SLC44A5: variants seen among roughly 807,000 people sequenced by gnomAD.
SLC44A5 encodes the protein solute carrier family 44 member 5, also known as choline transporter-like protein 5.
A neutral mutation model predicts 101.8 loss-of-function variants in SLC44A5; 57 were observed. The ratio of observed to expected loss-of-function variants is 0.56; its 90% confidence interval spans 0.45 to 0.70. The LOEUF is 0.70. Ranked by LOEUF, SLC44A5 falls within the 30% of genes least tolerant of loss-of-function variation. SLC44A5 has a pLI of 0.00. For synonymous variants in SLC44A5, 281 were observed against 290.9 expected, an observed-to-expected ratio of 0.97 and a Z score of 0.35; for missense variants, 737 against 853.1, an observed-to-expected ratio of 0.86 and a Z score of 1.70.
At chr1:75,495,580 T>C (rs913231862) in intron 2 of SLC44A5, among the ~76,000 whole-genome samples, 2 of 151,072 alleles carry the variant, frequency 1.3e-5, no homozygotes, top group African/African-American at 4.9e-5. Context: ...ATCATAGAGC[T>C]GAATAATACA....
At chr1:75,256,140 A>G (rs1650002819) in intron 6 of SLC44A5, among the ~76,000 whole-genome samples, 1 of 152,166 alleles carries the variant, frequency 6.6e-6, no homozygotes, top group Admixed American at 6.5e-5. Flanking sequence ...TTAACTGGGC[A>G]TTCTGTGCTT....
chr1:75,628,999 C>A, the SLC44A5 span, among the ~76,000 whole-genome samples: 4 of 152,074 alleles, frequency 2.6e-5, no homozygotes, highest in Non-Finnish European at 5.9e-5. Flanking sequence ...TTGGCATCTT[C>A]CAGCTGGGTG....
chr1:75,663,874 A>T, the SLC44A5 span, among the ~76,000 whole-genome samples: 57 of 152,330 alleles, frequency 3.7e-4, no homozygotes, highest in African/African-American at 1.3e-3. Context: ...ACTACTGGCC[A>T]ATATCCCTGA....
In SLC44A5 at chr1:75,219,270, G is replaced by A; in HGVS notation, c.1253C>T (p.Thr418Ile). Reference sequence around the variant, plus strand: ...TCTTGTACTTACCTCTGGGTCACAGGTTTGATTTTCATGTATACAATGCCC... The same window carrying A: ...TCTTGTACTTACCTCTGGGTCACAGATTTGATTTTCATGTATACAATGCCC... Reference protein sequence around the residue: ...PGGHCIHENQTCDPEIFNTTE... With the variant: ...PGGHCIHENQICDPEIFNTTE... Residue 418 changes from threonine (T) to isoleucine (I), a missense_variant, in exon 16 of 24, where the codon ACC becomes ATC. Thr to Ile is a moderately conservative substitution (Grantham distance 89). This residue lies in a region of SLC44A5 where 665 missense variants were observed against 764.4 expected (regional missense o/e 0.87). Transcript: ENST00000370859. The A allele has an allele frequency of 6.2e-7, 1 of 1,610,680 alleles. No homozygotes were observed. The highest frequency in any genetic ancestry group is 1.1e-5 in the South Asian group (1 of 91,006).
chr1:75,402,672 T>C (rs958145017), intron 2 of SLC44A5, among the ~76,000 whole-genome samples: 5 of 152,050 alleles, frequency 3.3e-5, no homozygotes, highest in African/African-American at 1.2e-4. Context: ...ACTACACTTT[T>C]CCCATGGTCT....
At chr1:75,504,428 T>C (rs1669136247) in intron 2 of SLC44A5, among the ~76,000 whole-genome samples, 1 of 152,236 alleles carries the variant, frequency 6.6e-6, no homozygotes, top group African/African-American at 2.4e-5. Context: ...TGCTATCATA[T>C]AATGATGTGT....
At chr1:75,647,974 G>A in the SLC44A5 span, among the ~76,000 whole-genome samples, 1 of 152,112 alleles carries the variant, frequency 6.6e-6, no homozygotes, top group African/African-American at 2.4e-5. Context: ...ATTTTGTTTT[G>A]AAACGTGAGA....
chr1:75,402,598 C>T, intron 2 of SLC44A5: 1 of 160,632 alleles, frequency 6.2e-6, no homozygotes, highest in Non-Finnish European at 1.4e-5. Flanking sequence ...AGGGAACTCC[C>T]TCCCCTAGCT....
chr1:75,336,256 A>G (rs1657434610), intron 4 of SLC44A5, among the ~76,000 whole-genome samples: 1 of 152,006 alleles, frequency 6.6e-6, no homozygotes, highest in Admixed American at 6.6e-5. Flanking sequence ...CCTGGGTTCA[A>G]GCGATTCTCC....
chr1:75,683,592 T>G, the SLC44A5 span, among the ~76,000 whole-genome samples: 3 of 151,950 alleles, frequency 2.0e-5, no homozygotes, highest in African/African-American at 7.3e-5. Flanking sequence ...AACATCACTC[T>G]CTGGGGACTG....
intron 1 of SLC44A5, among the ~76,000 whole-genome samples, chr1:75,574,974 C>A (rs1392007643): frequency 6.6e-6 from 1 of 151,966 alleles, no homozygotes; most frequent in Non-Finnish European, 1.5e-5. Context: ...ATGAGAGAAG[C>A]CTTAGGATGA....
chr1:75,721,009 T>C, the SLC44A5 span, among the ~76,000 whole-genome samples: 1 of 152,166 alleles, frequency 6.6e-6, no homozygotes, highest in Non-Finnish European at 1.5e-5. Context: ...AAAGTTCTTA[T>C]TGTGCAAAGG....
At position 75,510,363 on chromosome 1, in the gene SLC44A5, A is replaced by G. The variant is rs141077069; in HGVS notation, c.13+31072T>C. ...AAAAATACTGTATTTCTCAAATTTG[A>G]TAAGATAAATTTCCAACTAGATTTA... On this transcript the variant is annotated intron_variant, in intron 2 of 23. Transcript: ENST00000370859. 2.9e-4 allele frequency among the ~76,000 whole-genome samples: 44 copies of G among 152,336 alleles called. 1 individual carries two copies. In the East Asian group the frequency reaches 8.5e-3, roughly 29 times the overall value.
intron 3 of SLC44A5, among the ~76,000 whole-genome samples, chr1:75,343,064 C>T (rs950659979): frequency 6.6e-6 from 1 of 152,084 alleles, no homozygotes; most frequent in Non-Finnish European, 1.5e-5. Flanking sequence ...AATAAATAGA[C>T]TGAAGGGCCA....
At chr1:75,270,682 G>A (rs681866) in intron 6 of SLC44A5, among the ~76,000 whole-genome samples, 104,633 of 151,884 alleles carry the variant, frequency 0.69, 36,723 homozygotes, top group East Asian at 0.94. Context: ...ATATATACAT[G>A]ATTTTCAGTG....
intron 2 of SLC44A5, chr1:75,402,260 C>T (rs928111592): frequency 2.2e-5 from 4 of 183,362 alleles, no homozygotes; most frequent in African/African-American, 9.4e-5. Flanking sequence ...CCAGTACTGC[C>T]TCTCACTCAC....
chr1:75,422,943 G>A (rs961807932), intron 2 of SLC44A5, among the ~76,000 whole-genome samples: 1 of 152,122 alleles, frequency 6.6e-6, no homozygotes, highest in African/African-American at 2.4e-5. Context: ...TCTTCCTGTT[G>A]TCTTTATGTG....
chr1:75,672,582 T>A, the SLC44A5 span, among the ~76,000 whole-genome samples: 1 of 152,140 alleles, frequency 6.6e-6, no homozygotes, highest in Non-Finnish European at 1.5e-5. Flanking sequence ...GGAGTCAGTA[T>A]ACTTGAAGTG....
intron 1 of SLC44A5, among the ~76,000 whole-genome samples, chr1:75,564,313 G>A (rs1159439735): frequency 6.6e-6 from 1 of 152,070 alleles, no homozygotes; most frequent in Admixed American, 6.6e-5. Flanking sequence ...TGATCCACTG[G>A]GGTAAAGAAA....
Sources: gnomAD v4.1 joint callset for allele counts (sites outside exome capture counted in the v4.1 genomes callset) on GRCh38, gnomAD v4.1.1 for gene constraint, gnomAD v4.1.1 regional missense constraint, MANE v1.5 for transcripts, NCBI Gene and HGNC (gene_info 2026-07-23, HGNC 2026-07-21) for gene names.